The following DOK7 variants were observed in gnomAD, a reference collection of about 807,000 sequenced individuals.
DOK7 encodes docking protein 7.
DOK7 carries 32 observed loss-of-function variants against 30.7 expected under a neutral mutation model. The ratio of observed to expected loss-of-function variants is 1.04; its 90% CI spans 0.79 to 1.40. The LOEUF is 1.40. Ranked by LOEUF, DOK7 falls within the 40% of genes most tolerant of loss-of-function variation. The pLI is 0.00. For missense variants in DOK7, 1,007 were observed against 699.2 expected (o/e 1.44, Z -4.97); for synonymous variants, 447 against 324.1 (o/e 1.38, Z -4.07).
chr4:3,473,495 G>A lies in DOK7; in HGVS notation c.190G>A (p.Gly64Arg), dbSNP rs1246160310. 1.2e-6 allele frequency: 2 copies of A among 1,611,048 alleles called. No individual in the cohort carries two copies. Among genetic ancestry groups the A allele is most frequent in the Admixed American group, 1.7e-5 (1 of 60,004 alleles). ...RSSLTLEDIC[G>R]LEPGLPYEGL... The stretch of plus-strand genomic sequence containing the variant: ...CAGCCTGACGCTAGAGGACATCTGC[G>A]GGCTGGAGCCCGGCCTGCCCTACGA... Residue 64 changes from glycine to arginine, a missense_variant, in exon 3 of 7, where the codon GGG becomes AGG. Coordinates refer to ENST00000340083, the MANE Select transcript of DOK7 (RefSeq NM_173660.5).
rs555263972 is a variant in DOK7 at position 3,493,732 on chromosome 4, T to C, written c.*231T>C. ...GGGCTCTGGGTCCGGCAGGTCGGGG[T>C]CACCAGAGCCCCAATGCTCAGCTGC... On this transcript the variant is annotated 3_prime_UTR_variant, in exon 7 of 7. Coordinates refer to ENST00000340083, the MANE Select transcript of DOK7 (RefSeq NM_173660.5). The C allele has an allele frequency of 3.3e-4, 473 of 1,422,122 alleles. 2 individuals are homozygous for C. The African/African-American group carries it at 6.1e-3, about 18-fold the overall frequency. The allele number at this position is 1,422,122 out of a possible 1,614,324, so 88.1% of individuals were successfully genotyped here.
intron 3 of DOK7, 95 bp from the exon 4 acceptor site, chr4:3,476,247 A>ACCCCC: frequency 6.6e-6 from 3 of 454,362 alleles, no homozygotes; most frequent in African/African-American, 5.5e-5. Flanking sequence ...ATGCCCTCTC[A>ACCCCC]CCCCACCCGC....
chr4:3,495,373 C>G (rs1376549785), downstream of DOK7, among the ~76,000 whole-genome samples: 1 of 152,222 alleles, frequency 6.6e-6, no homozygotes, highest in East Asian at 1.9e-4. Flanking sequence ...GTCGCCTGCC[C>G]AAGGCTAGTG....
chr4:3,496,063 G>A (rs1728893368), downstream of DOK7, among the ~76,000 whole-genome samples: 1 of 152,194 alleles, frequency 6.6e-6, no homozygotes, highest in African/African-American at 2.4e-5. Flanking sequence ...CTAGCTGCCG[G>A]CTGCCGGAAC....
At chr4:3,490,232 TTC>T in intron 6 of DOK7, among the ~76,000 whole-genome samples, 1 of 65,546 alleles carries the variant, frequency 1.5e-5, no homozygotes, top group Non-Finnish European at 2.7e-5. Context: ...CACCCCCTCA[TTC>T]ATTCCTTCCT....
chr4:3,470,818 C>T (rs1474882643), intron 2 of DOK7, among the ~76,000 whole-genome samples: 4 of 152,228 alleles, frequency 2.6e-5, no homozygotes, highest in Admixed American at 2.6e-4. Context: ...CAGGCAAGCT[C>T]CTGACCCCAG....
chr4:3,491,536 C>T (rs1728452135), intron 6 of DOK7, among the ~76,000 whole-genome samples: 1 of 16,250 alleles, frequency 6.2e-5, no homozygotes, highest in South Asian at 5.1e-3. Flanking sequence ...TTCATTTCTT[C>T]CTTCTCCCAC....
intron 2 of DOK7, among the ~76,000 whole-genome samples, chr4:3,468,540 A>ATGAGTGTGACTGTGAG (rs1560205458): frequency 7.5e-5 from 7 of 93,154 alleles, no homozygotes; most frequent in African/African-American, 2.8e-4. Context: ...CTGTGAGTGT[A>ATGAGTGTGACTGTGAG]TGTGTGTGTG....
intron 6 of DOK7, among the ~76,000 whole-genome samples, chr4:3,490,905 CTCCTCTGCTCATTCATTCCTTCCTTCT>C (rs1349084656): frequency 8.1e-6 from 1 of 123,030 alleles, no homozygotes; most frequent in Non-Finnish European, 1.7e-5. Flanking sequence ...TCTTCCTTCT[CTCCTCTGCTCATTCATTCCTTCCTTCT>C]TCCCCTGCTC....
chr4:3,491,801 A>G (rs887511198), intron 6 of DOK7, among the ~76,000 whole-genome samples: 7 of 152,172 alleles, frequency 4.6e-5, no homozygotes, highest in Non-Finnish European at 7.4e-5. Flanking sequence ...CTCTGTTGCC[A>G]TTGTGGGGAG....
downstream of DOK7, chr4:3,496,697 G>A: frequency 9.2e-7 from 1 of 1,082,396 alleles, no homozygotes; most frequent in Non-Finnish European, 1.3e-6. Context: ...CTCCCTGCAG[G>A]TGACCCAGGT....
chr4:3,475,323 C>T (rs924075129), intron 3 of DOK7, among the ~76,000 whole-genome samples: 1 of 152,240 alleles, frequency 6.6e-6, no homozygotes, highest in Non-Finnish European at 1.5e-5. Context: ...CTTGATAGAA[C>T]GTGGCCTGAC....
chr4:3,479,105 A>T (rs73793934), intron 4 of DOK7, among the ~76,000 whole-genome samples: 1,733 of 152,322 alleles, frequency 0.011, 34 homozygotes, highest in African/African-American at 0.039. Context: ...AGGGGTCCTC[A>T]GGGTTGGCTT....
chr4:3,490,411 C>CCTGCTCATTCATTCCTTCTTTCA (rs1728227081), intron 6 of DOK7, among the ~76,000 whole-genome samples: 4 of 63,178 alleles, frequency 6.3e-5, no homozygotes, highest in Non-Finnish European at 9.4e-5. Context: ...TCTTTCACCC[C>CCTGCTCATTCATTCCTTCTTTCA]CCCCACCGCC....
At chr4:3,472,965 G>T (rs1726846422) in intron 2 of DOK7, among the ~76,000 whole-genome samples, 1 of 152,230 alleles carries the variant, frequency 6.6e-6, no homozygotes, top group Admixed American at 6.5e-5. Flanking sequence ...GCACAGGTGT[G>T]GCTGGCAGGG....
Position 3,500,240 on chromosome 4 carries a change from T to TC in DOK7, c.1109-5dup, listed in dbSNP as rs532650343. The TC allele has an allele frequency of 8.1e-3, 12,427 of 1,533,848 alleles. 72 individuals are homozygous for TC. Among genetic ancestry groups the TC allele is most frequent in the Non-Finnish European group, 9.9e-3 (11,374 of 1,145,516 alleles). ...GTCCCCACCGGGGCTTCACAGCCGC[T>TC]CCCCCCACAGGATCCCCAGGACCCG... On this transcript the variant is annotated splice_polypyrimidine_tract_variant and intron_variant, in intron 6 of 7. Transcript: ENST00000643608.
At chr4:3,488,730 G>C (rs17806799) in intron 5 of DOK7, among the ~76,000 whole-genome samples, 19,849 of 150,858 alleles carry the variant, frequency 0.13, 1,402 homozygotes, top group African/African-American at 0.15. Flanking sequence ...GTGTGTTCTG[G>C]AGGCCCAGAG....
Position 3,493,804 on chromosome 4 carries a change from T to C in DOK7, c.*303T>C. ...CTGAGGATCAGGTGAGTGCTGCACC[T>C]CTGTTGGCTCGTGCCTTGCACTGGG... On this transcript the variant is annotated 3_prime_UTR_variant, in exon 7 of 7. Transcript: ENST00000340083. The C allele has an allele frequency of 7.7e-7, 1 of 1,300,460 alleles. No individual in the cohort carries two copies. The highest frequency in any genetic ancestry group is 9.8e-7 in the Non-Finnish European group (1 of 1,025,056). The allele number at this position is 1,300,460 out of a possible 1,614,324, so 80.6% of individuals were successfully genotyped here.
At position 3,500,909 on chromosome 4, in the gene DOK7, G is replaced by T. The variant is rs1274067697; in HGVS notation, c.*84G>T. ...GGCAGGCCAGCCCCTTCTGTTGGGC[G>T]TGGTCTGGTCCCCAGGGAGCTCCCA... On this transcript the variant is annotated 3_prime_UTR_variant, in exon 8 of 8. Transcript: ENST00000643608. The T allele has an allele frequency of 4.8e-6, 7 of 1,448,916 alleles. No homozygotes were observed. The South Asian group carries it at 9.8e-5, about 20-fold the overall frequency. 89.8% of individuals were successfully genotyped at this position (1,448,916 alleles called of 1,614,324 possible). A position where few individuals can be genotyped will look rare whatever the true frequency, so the allele number is the denominator to read the frequency against.
Sources: allele counts gnomAD v4.1 joint callset (sites outside exome capture counted in the v4.1 genomes callset), GRCh38; gene constraint gnomAD v4.1.1; transcripts MANE v1.5; gene names NCBI Gene and HGNC (gene_info 2026-07-23, HGNC 2026-07-21).